The following DOCK2 variants were observed in gnomAD, a reference collection of about 807,000 sequenced individuals.
DOCK2 encodes the protein dedicator of cytokinesis 2.
DOCK2 carries 87 observed loss-of-function variants against 248.9 expected under a neutral mutation model. That is an observed-to-expected ratio of 0.35 (90% CI 0.29 to 0.42). The LOEUF (loss-of-function observed/expected upper bound fraction) is 0.42. Ranked by LOEUF, DOCK2 falls within the 10% of genes least tolerant of loss-of-function variation. The pLI is 1.00. For synonymous variants in DOCK2, 805 were observed against 821.6 expected, an observed-to-expected ratio of 0.98 and a Z score of 0.35; for missense variants, 1,747 against 2,300.2, an observed-to-expected ratio of 0.76 and a Z score of 4.92.
At chr5:169,864,472 G>T in intron 27 of DOCK2, 2 of 1,510,218 alleles carry the variant, frequency 1.3e-6, no homozygotes, top group Middle Eastern at 1.7e-4. Flanking sequence ...GAAAAACACA[G>T]AGAGGAAGGA....
chr5:169,762,675 A>T (rs1764557693), intron 25 of DOCK2, among the ~76,000 whole-genome samples: 1 of 152,204 alleles, frequency 6.6e-6, no homozygotes. Context: ...TCCTTTCTGT[A>T]AGGGTGAAGA....
chr5:169,995,856 A>G (rs531562223), intron 29 of DOCK2, among the ~76,000 whole-genome samples: 16 of 152,326 alleles, frequency 1.1e-4, no homozygotes, highest in Admixed American at 1.3e-4. Context: ...ACATAAGACA[A>G]TGCAAATTTT....
chr5:169,757,065 T>A (rs1470323462), intron 23 of DOCK2, among the ~76,000 whole-genome samples: 1 of 152,176 alleles, frequency 6.6e-6, no homozygotes, highest in Non-Finnish European at 1.5e-5. Context: ...GTTTGATTTG[T>A]CTAGCAAATC....
At chr5:169,851,008 T>C (rs1561763263) in intron 27 of DOCK2, among the ~76,000 whole-genome samples, 1 of 152,216 alleles carries the variant, frequency 6.6e-6, no homozygotes, top group South Asian at 2.1e-4. Flanking sequence ...TTACCACATG[T>C]ATTGGAATTT....
rs1762021847 is a variant in DOCK2 at position 169,718,524 on chromosome 5, A to C, written c.2133-133A>C. ...ATAATTTTTATGCAGAGTTATCTTT[A>C]TGCTTACAAATGAGTAAGTGAGCTT... On this transcript the variant is annotated intron_variant, in intron 21 of 51. Coordinates refer to ENST00000520908, the MANE Select transcript of DOCK2 (RefSeq NM_004946.3). 4.5e-6 allele frequency: 4 copies of C among 879,398 alleles called. No individual in the cohort carries two copies. In the East Asian group the frequency reaches 1.2e-4, roughly 25 times the overall value. 54.5% of individuals were successfully genotyped at this position (879,398 alleles called of 1,614,324 possible).
intron 1 of DOCK2, among the ~76,000 whole-genome samples, chr5:169,654,099 T>C (rs1380275539): frequency 2.0e-5 from 3 of 152,244 alleles, no homozygotes; most frequent in Non-Finnish European, 2.9e-5. Flanking sequence ...ACAAATGATG[T>C]AACATTTTAA....
At chr5:169,903,040 G>A (rs1374349332) in intron 27 of DOCK2, among the ~76,000 whole-genome samples, 1 of 152,028 alleles carries the variant, frequency 6.6e-6, no homozygotes, top group African/African-American at 2.4e-5. Context: ...GGAGGTTGCA[G>A]TGAGCTGAGA....
At chr5:169,903,704 G>A (rs745432387) in intron 27 of DOCK2, among the ~76,000 whole-genome samples, 3 of 152,114 alleles carry the variant, frequency 2.0e-5, no homozygotes, top group Admixed American at 1.3e-4. Context: ...CGGGGCAGGG[G>A]GAGAAAAGAA....
chr5:169,992,301 C>T (rs930859872), intron 29 of DOCK2, among the ~76,000 whole-genome samples: 2 of 152,226 alleles, frequency 1.3e-5, no homozygotes, highest in Non-Finnish European at 2.9e-5. Flanking sequence ...TGTTCTTCCT[C>T]CTATACAGCC....
intron 10 of DOCK2, 117 bp from the exon 11 acceptor site, chr5:169,698,257 C>T: frequency 1.0e-6 from 1 of 998,184 alleles, no homozygotes; most frequent in Non-Finnish European, 1.5e-6. Flanking sequence ...CATTTTAGGC[C>T]TTCCTGACCC....
At chr5:169,968,798 A>G (rs1777392879) in intron 27 of DOCK2, among the ~76,000 whole-genome samples, 1 of 152,186 alleles carries the variant, frequency 6.6e-6, no homozygotes, top group African/African-American at 2.4e-5. Context: ...GTGTGGTTAG[A>G]ACACAAAGAT....
chr5:170,067,422 C>T, intron 44 of DOCK2, 88 bp from the exon 45 acceptor site: 2 of 1,398,108 alleles, frequency 1.4e-6, no homozygotes, highest in Non-Finnish European at 2.0e-6. Context: ...TTTGAATTCC[C>T]ACCCCAAGTG....
chr5:169,698,606 G>A (rs551922513), intron 11 of DOCK2, among the ~76,000 whole-genome samples, 157 bp downstream of exon 11: 1 of 152,326 alleles, frequency 6.6e-6, no homozygotes, highest in East Asian at 1.9e-4. Context: ...CAGTGCCCAG[G>A]CACTCAAAAC....
intron 26 of DOCK2, among the ~76,000 whole-genome samples, chr5:169,836,274 G>A (rs115640904): frequency 2.4e-3 from 358 of 152,226 alleles, no homozygotes; most frequent in African/African-American, 8.0e-3. Flanking sequence ...ACAACAACCT[G>A]GTTCAAAAGT....
intron 27 of DOCK2, among the ~76,000 whole-genome samples, chr5:169,844,145 C>T (rs12515788): frequency 0.14 from 20,785 of 152,088 alleles, 1,555 homozygotes; most frequent in Admixed American, 0.2. Context: ...TCCATAGTAG[C>T]CATAATGAGA....
At chr5:169,728,756 T>C (rs1482270992) in intron 22 of DOCK2, among the ~76,000 whole-genome samples, 2 of 152,208 alleles carry the variant, frequency 1.3e-5, no homozygotes, top group East Asian at 3.8e-4. Context: ...ATTGCCTTTT[T>C]CCAGGGTGTA....
chr5:169,654,499 C>G lies in DOCK2; in HGVS notation c.127+13C>G. ...GAGACGTGTGGAGGTGAGTCACTGG[C>G]CCACGCCCCAAGTGCTGGACCCTTG... is the stretch of plus-strand genomic sequence containing the variant. On this transcript the variant is annotated intron_variant, in intron 2 of 51. Coordinates refer to ENST00000520908, the MANE Select transcript of DOCK2 (RefSeq NM_004946.3). The G allele has an allele frequency of 6.2e-7, 1 of 1,613,930 alleles. No individual in the cohort carries two copies. Among genetic ancestry groups the G allele is most frequent in the Non-Finnish European group, 8.5e-7 (1 of 1,179,946 alleles).
chr5:169,658,479 C>CCA (rs1758250602), intron 2 of DOCK2, among the ~76,000 whole-genome samples: 1 of 76,058 alleles, frequency 1.3e-5, no homozygotes, highest in African/African-American at 5.4e-5. Flanking sequence ...GCCTCCGTCT[C>CCA]AAAAAAAAAA....
chr5:170,080,525 C>T (rs943027222), intron 50 of DOCK2: 1 of 522,278 alleles, frequency 1.9e-6, no homozygotes, highest in Non-Finnish European at 3.3e-6. Context: ...CCCTTGGGCC[C>T]TCAGGATTCA....
Sources: gnomAD v4.1 joint callset for allele counts (sites outside exome capture counted in the v4.1 genomes callset) on GRCh38, gnomAD v4.1.1 for gene constraint, MANE v1.5 for transcripts, NCBI Gene and HGNC (gene_info 2026-07-23, HGNC 2026-07-21) for gene names.